The following RO60 variants were observed in gnomAD, a reference collection of about 807,000 sequenced individuals.
RO60 encodes Ro60, Y RNA binding protein.
A neutral mutation model predicts 55.3 loss-of-function variants in RO60; 20 were observed. The ratio of observed to expected loss-of-function variants is 0.36; its 90% CI spans 0.25 to 0.53. The LOEUF is 0.53. RO60 is among the 20% of genes least tolerant of loss of function. The pLI is 0.92. For missense variants in RO60, 558 were observed against 646.6 expected, an observed-to-expected ratio of 0.86 and a Z score of 1.49; for synonymous variants, 213 against 213.6, an observed-to-expected ratio of 1.00 and a Z score of 0.02.
rs1674625712 is a variant in RO60 at position 193,086,407 on chromosome 1, C to T, written c.*1676C>T. 1 of 152,274 alleles carries T rather than the reference C, an allele frequency of 6.6e-6. No individual in the cohort carries two copies. Among genetic ancestry groups the T allele is most frequent in the East Asian group, 1.9e-4 (1 of 5,188 alleles). The allele number at this position is 152,274 out of a possible 1,614,324, so 9.4% of individuals were successfully genotyped here. ...TGTTCAGCAAAGCTCATAGCACCCT[C>T]ACCCCCACTCCAGACATGCATTGCT... On this transcript the variant is annotated 3_prime_UTR_variant, in exon 9 of 9. Transcript: ENST00000400968.
chr1:193,075,101 A>G (rs1673812712), intron 2 of RO60, among the ~76,000 whole-genome samples: 2 of 152,098 alleles, frequency 1.3e-5, no homozygotes, highest in African/African-American at 2.4e-5. Flanking sequence ...CTTGTCCCTC[A>G]TAGACATTTT....
Position 193,076,971 on chromosome 1 carries a change from G to A in RO60, c.1007G>A (p.Gly336Asp). 6.2e-7 allele frequency: 1 copy of A among 1,613,198 alleles called. No homozygotes were observed. Residue 336 changes from glycine to aspartate, a missense_variant, in exon 5 of 9, where the codon GGT becomes GAT. Transcript: ENST00000400968. ...IALETYKTGH[G>D]LRGKLKWRPD... is the part of the protein sequence containing the mutation. The stretch of plus-strand genomic sequence containing the variant: ...TTAGAAACTTACAAGACAGGTCATG[G>A]TCTCAGAGGGAAACTGAAGTGGCGC...
intron 1 of RO60, 69 bp from the exon 2 acceptor site, chr1:193,068,965 A>G (rs1405422647): frequency 4.0e-6 from 4 of 1,000,662 alleles, no homozygotes; most frequent in Non-Finnish European, 4.4e-6. Flanking sequence ...CAGTAAACCT[A>G]CATTTTGTTT....
intron 2 of RO60, among the ~76,000 whole-genome samples, chr1:193,075,587 G>A (rs935705506): frequency 1.3e-5 from 2 of 151,898 alleles, no homozygotes; most frequent in African/African-American, 2.4e-5. Context: ...AAAATACTCA[G>A]GATACAGGTT....
rs1429559616 is a variant in RO60 at position 193,059,745 on chromosome 1, T to C, written c.-53T>C. The stretch of plus-strand genomic sequence containing the variant: ...TGCGCAGGACTTCTCCTGGCGGCGC[T>C]GCGGATCCAGGGGGTCGGCTGCCAG... On this transcript the variant is annotated 5_prime_UTR_variant, in exon 1 of 9. Coordinates refer to ENST00000400968, the MANE Select transcript of RO60 (RefSeq NM_001173524.2). This position sits in a 1 kb window ranked among gnomAD's most constrained non-coding sequence, Gnocchi z 4.9. The C allele has an allele frequency of 7.4e-7, 1 of 1,355,308 alleles. No homozygotes were observed. Among genetic ancestry groups the C allele is most frequent in the Non-Finnish European group, 9.8e-7 (1 of 1,016,930 alleles). The allele number at this position is 1,355,308 out of a possible 1,614,324, so 84.0% of individuals were successfully genotyped here. A position where few individuals can be genotyped will look rare whatever the true frequency, so the allele number is the denominator to read the frequency against.
intron 4 of RO60, 48 bp from the exon 5 acceptor site, chr1:193,076,865 A>G (rs749054942): frequency 6.4e-7 from 1 of 1,571,246 alleles, no homozygotes; most frequent in South Asian, 1.1e-5. Context: ...TAAGGAGTAT[A>G]CATAATCACT....
chr1:193,091,647 C>T, downstream of RO60: 1 of 1,610,336 alleles, frequency 6.2e-7, no homozygotes, highest in South Asian at 1.1e-5. Flanking sequence ...TCTCTCCTTT[C>T]TAGCCTTGCA....
chr1:193,074,662 A>T (rs1673776564), intron 2 of RO60, among the ~76,000 whole-genome samples: 1 of 151,676 alleles, frequency 6.6e-6, no homozygotes, highest in African/African-American at 2.4e-5. Context: ...GATTGCAAAA[A>T]TTTTCTCCCA....
At chr1:193,077,222 G>A (rs1673986274) in intron 5 of RO60, among the ~76,000 whole-genome samples, 172 bp downstream of exon 5, 1 of 152,160 alleles carries the variant, frequency 6.6e-6, no homozygotes, top group Non-Finnish European at 1.5e-5. Flanking sequence ...AAGTTTAAGA[G>A]TAAAGTATTT....
In RO60 at chr1:193,075,801, A is replaced by G. The variant is rs1466116634; in HGVS notation, c.581-19A>G. Reference sequence around the variant, plus strand: ...CTTGGTAATCCTGCATGCTTTTTCAATTCTTTATCTTGTTAAAGGACTTGC... The same window carrying G: ...CTTGGTAATCCTGCATGCTTTTTCAGTTCTTTATCTTGTTAAAGGACTTGC... On this transcript the variant is annotated intron_variant, in intron 2 of 8. Transcript: ENST00000400968. 1 of 1,557,130 alleles carries G rather than the reference A, an allele frequency of 6.4e-7. No homozygotes were observed. Among genetic ancestry groups the G allele is most frequent in the Non-Finnish European group, 8.7e-7 (1 of 1,148,492 alleles).
At chr1:193,061,306 A>G (rs544259064) in intron 1 of RO60, among the ~76,000 whole-genome samples, 21 of 152,332 alleles carry the variant, frequency 1.4e-4, no homozygotes, top group African/African-American at 4.8e-4. Flanking sequence ...TGGGTAAACA[A>G]ACCTCTATCA....
At chr1:193,065,365 A>G (rs1022515025) in intron 1 of RO60, among the ~76,000 whole-genome samples, 34 of 152,192 alleles carry the variant, frequency 2.2e-4, no homozygotes, top group Non-Finnish European at 4.3e-4. Flanking sequence ...TTGGTTTGGG[A>G]CCTTTTAAAT....
downstream of RO60, chr1:193,091,266 A>G (rs578150515): frequency 5.9e-6 from 1 of 169,324 alleles, no homozygotes; most frequent in African/African-American, 2.4e-5. Flanking sequence ...GACTATTGCA[A>G]TAAAAAGTTT....
chr1:193,082,284 A>G lies in RO60; in HGVS notation c.1302A>G (p.Leu434=). Residue 434 remains leucine (L), a synonymous_variant, in exon 7 of 9, where the codon TTA becomes TTG. Coordinates refer to ENST00000400968, the MANE Select transcript of RO60 (RefSeq NM_001173524.2). The part of the protein sequence containing the change: ...VTTDMTLQQV[L]MAMSQIPAGG... The stretch of plus-strand genomic sequence containing the variant: ...CAGATATGACCTTACAACAGGTTTT[A>G]ATGGCTATGAGTCAGGTAAGAAACT... The G allele has an allele frequency of 6.2e-7, 1 of 1,608,100 alleles. No individual in the cohort carries two copies. The highest frequency in any genetic ancestry group is 1.1e-5 in the South Asian group (1 of 89,458).
chr1:193,081,492 T>A lies in RO60; in HGVS notation c.1203+12T>A. The A allele has an allele frequency of 6.6e-7, 1 of 1,510,350 alleles. No individual in the cohort carries two copies. The highest frequency in any genetic ancestry group is 9.2e-7 in the Non-Finnish European group (1 of 1,090,258). 93.6% of individuals were successfully genotyped at this position (1,510,350 alleles called of 1,614,324 possible). On this transcript the variant is annotated intron_variant, in intron 6 of 8. Coordinates refer to ENST00000400968, the MANE Select transcript of RO60 (RefSeq NM_001173524.2). Reference sequence around the variant, plus strand: ...CAGCAATGTGCATGGTGAGAACACCTAAGACAATTTTGCCATTCTAAAAAC... The same window carrying A: ...CAGCAATGTGCATGGTGAGAACACCAAAGACAATTTTGCCATTCTAAAAAC...
chr1:193,072,911 T>C (rs916749665), intron 2 of RO60, among the ~76,000 whole-genome samples: 2 of 152,222 alleles, frequency 1.3e-5, no homozygotes, highest in Non-Finnish European at 2.9e-5. Flanking sequence ...GAACTCACAG[T>C]TGAAACCATG....
In RO60 at chr1:193,087,077, A is replaced by G. The variant is rs1250539362; in HGVS notation, c.*2346A>G. On this transcript the variant is annotated 3_prime_UTR_variant, in exon 9 of 9. Coordinates refer to ENST00000400968, the MANE Select transcript of RO60 (RefSeq NM_001173524.2). ...TAAAATAAAATTATTTAAGACTTTTACCTTATTGAGTTATTAGGAAATAAT... is the reference window on the plus strand; with the variant it reads ...TAAAATAAAATTATTTAAGACTTTTGCCTTATTGAGTTATTAGGAAATAAT... 6.6e-6 allele frequency: 1 copy of G among 152,120 alleles called. No homozygotes were observed. The highest frequency in any genetic ancestry group is 2.4e-5 in the African/African-American group (1 of 41,424). 9.4% of individuals were successfully genotyped at this position (152,120 alleles called of 1,614,324 possible). A position where few individuals can be genotyped will look rare whatever the true frequency, so the allele number is the denominator to read the frequency against.
intron 1 of RO60, among the ~76,000 whole-genome samples, chr1:193,064,204 A>G (rs1344488101): frequency 3.9e-5 from 6 of 152,224 alleles, no homozygotes; most frequent in Non-Finnish European, 1.5e-5. Context: ...CATGGGCATG[A>G]TTGATTAAAT....
rs1674614457 is a variant in RO60, at chr1:193,086,139, T to C, written c.*1408T>C. On this transcript the variant is annotated 3_prime_UTR_variant, in exon 9 of 9. Transcript: ENST00000400968. ...ATGTGAAAAGTCAAACTGTAGTTAA[T>C]GTAAATTATAGCCTTTTAGGTGCTT... 2.9e-6 allele frequency: 2 copies of C among 699,038 alleles called. No individual in the cohort carries two copies. The highest frequency in any genetic ancestry group is 3.5e-6 in the Non-Finnish European group (2 of 569,162). 43.3% of individuals were successfully genotyped at this position (699,038 alleles called of 1,614,324 possible).
Sources: allele counts gnomAD v4.1 joint callset (sites outside exome capture counted in the v4.1 genomes callset), GRCh38; gene constraint gnomAD v4.1.1; non-coding constraint Gnocchi (gnomAD v3.1); transcripts MANE v1.5; gene names NCBI Gene and HGNC (gene_info 2026-07-23, HGNC 2026-07-21).